The following CMIP variants were observed in gnomAD, a reference collection of about 807,000 sequenced individuals.
CMIP encodes C-Maf-inducing protein.
Under a neutral mutation model 97.3 loss-of-function variants are expected in CMIP, and 13 were observed. The ratio of observed to expected loss-of-function variants is 0.13; its 90% CI spans 0.09 to 0.21. CMIP has a LOEUF of 0.21. Among genes scored for constraint, CMIP ranks in the 10% least tolerant of loss-of-function variants. The pLI is 1.00. For missense variants in CMIP, 847 were observed against 1,024.9 expected, an observed-to-expected ratio of 0.83 and a Z score of 2.37; for synonymous variants, 538 against 436.3, an observed-to-expected ratio of 1.23 and a Z score of -2.91.
chr16:81,588,266 A>G (rs1389936075), intron 1 of CMIP, among the ~76,000 whole-genome samples: 1 of 152,194 alleles, frequency 6.6e-6, no homozygotes, highest in Non-Finnish European at 1.5e-5. Flanking sequence ...TTTGGCCAGA[A>G]AAAGTACCCA....
At chr16:81,709,103 A>T (rs949031752) in intron 20 of CMIP, among the ~76,000 whole-genome samples, 2 of 152,140 alleles carry the variant, frequency 1.3e-5, no homozygotes, top group Non-Finnish European at 2.9e-5. Context: ...AGCAGAAAAC[A>T]ATGGAGAGAC....
At chr16:81,581,698 C>T (rs969386588) in intron 1 of CMIP, among the ~76,000 whole-genome samples, 40 of 152,272 alleles carry the variant, frequency 2.6e-4, no homozygotes, top group African/African-American at 9.6e-4. Context: ...TTATTCCTCA[C>T]CATAACACCC....
chr16:81,599,056 T>G (rs903744665), intron 1 of CMIP, among the ~76,000 whole-genome samples: 1 of 150,316 alleles, frequency 6.7e-6, no homozygotes, highest in Admixed American at 6.6e-5. Context: ...CAAAAAGAAC[T>G]GGTCAGTCGG....
chr16:81,452,723 G>C (rs957499467), intron 1 of CMIP, among the ~76,000 whole-genome samples: 2 of 152,086 alleles, frequency 1.3e-5, no homozygotes, highest in Non-Finnish European at 2.9e-5. Flanking sequence ...ATGATTGTCA[G>C]TTTCCTTCCT....
chr16:81,693,283 G>A (rs757279470), intron 12 of CMIP, 99 bp downstream of exon 12: 38 of 1,380,150 alleles, frequency 2.8e-5, no homozygotes, highest in Non-Finnish European at 3.8e-5. Flanking sequence ...GGCAGTGGTG[G>A]CTCCTCTTGG....
At chr16:81,572,873 C>T (rs528151522) in intron 1 of CMIP, among the ~76,000 whole-genome samples, 5 of 152,292 alleles carry the variant, frequency 3.3e-5, no homozygotes, top group African/African-American at 1.2e-4. Flanking sequence ...AGCATCAGTC[C>T]TGCCTCCCAG....
intron 1 of CMIP, among the ~76,000 whole-genome samples, chr16:81,560,736 C>G (rs540123317): frequency 1.3e-5 from 2 of 152,162 alleles, no homozygotes; most frequent in African/African-American, 4.8e-5. Flanking sequence ...TGTACCTTTT[C>G]TGTGTTTAAA....
At chr16:81,645,545 C>T (rs1457899039) in intron 3 of CMIP, 3 of 1,535,928 alleles carry the variant, frequency 2.0e-6, no homozygotes, top group African/African-American at 2.7e-5. Flanking sequence ...AGAACCCTGG[C>T]ATATGTGCTT....
chr16:81,586,682 C>T (rs779242899), intron 1 of CMIP, among the ~76,000 whole-genome samples: 2 of 152,198 alleles, frequency 1.3e-5, no homozygotes, highest in African/African-American at 2.4e-5. Flanking sequence ...ACTCAAACAT[C>T]GCATACTCTC....
chr16:81,648,717 A>C (rs925302877), intron 3 of CMIP, among the ~76,000 whole-genome samples: 1 of 137,354 alleles, frequency 7.3e-6, no homozygotes, highest in South Asian at 2.4e-4. Flanking sequence ...TGGGAGGTGG[A>C]GATTATAGTG....
At chr16:81,668,212 C>A (rs543228032) in intron 7 of CMIP, among the ~76,000 whole-genome samples, 88 of 152,268 alleles carry the variant, frequency 5.8e-4, no homozygotes, top group African/African-American at 2.1e-3. Context: ...ACTCCAGGCT[C>A]CCCTCCGTGG....
At chr16:81,630,015 AAAT>A (rs1476657078) in intron 3 of CMIP, among the ~76,000 whole-genome samples, 3 of 152,194 alleles carry the variant, frequency 2.0e-5, no homozygotes, top group African/African-American at 7.2e-5. Flanking sequence ...TTTGCTCCCA[AAAT>A]AATACTTTCT....
chr16:81,637,934 C>T (rs1321984144), intron 3 of CMIP, among the ~76,000 whole-genome samples: 1 of 152,112 alleles, frequency 6.6e-6, no homozygotes, highest in African/African-American at 2.4e-5. Flanking sequence ...GGTGAGGGAG[C>T]TCCCCCAAGC....
intron 3 of CMIP, among the ~76,000 whole-genome samples, chr16:81,649,148 A>G (rs549869441): frequency 6.6e-6 from 1 of 152,326 alleles, no homozygotes; most frequent in South Asian, 2.1e-4. Flanking sequence ...AGCTCATAAG[A>G]GCTAGCACTG....
intron 3 of CMIP, among the ~76,000 whole-genome samples, chr16:81,640,328 A>G (rs982667227): frequency 6.5e-4 from 95 of 146,238 alleles, no homozygotes; most frequent in Non-Finnish European, 2.6e-4. Context: ...AACCCAACCA[A>G]TTCCAAACCC....
intron 1 of CMIP, among the ~76,000 whole-genome samples, chr16:81,559,230 C>T (rs888486709): frequency 4.6e-5 from 7 of 152,182 alleles, no homozygotes; most frequent in Non-Finnish European, 7.3e-5. Context: ...TATCAGACCC[C>T]GAACATGGCC....
intron 1 of CMIP, among the ~76,000 whole-genome samples, chr16:81,595,853 G>A (rs866939411): frequency 1.3e-5 from 2 of 152,088 alleles, no homozygotes; most frequent in African/African-American, 2.4e-5. Flanking sequence ...ATACTTGTGT[G>A]CATGTTTTTG....
intron 1 of CMIP, among the ~76,000 whole-genome samples, chr16:81,532,182 CA>C (rs1468318544): frequency 6.6e-6 from 1 of 152,190 alleles, no homozygotes; most frequent in Non-Finnish European, 1.5e-5. Context: ...ACTGCAGTCC[CA>C]GGGCTCAGGA....
At chr16:81,598,934 A>T (rs910095978) in intron 1 of CMIP, among the ~76,000 whole-genome samples, 1 of 139,046 alleles carries the variant, frequency 7.2e-6, no homozygotes, top group Non-Finnish European at 1.5e-5. Flanking sequence ...ATGCCAGTGT[A>T]CTCCAGCCTG....
Sources: allele counts gnomAD v4.1 joint callset (sites outside exome capture counted in the v4.1 genomes callset), GRCh38; gene constraint gnomAD v4.1.1; transcripts MANE v1.5; gene names NCBI Gene and HGNC (gene_info 2026-07-23, HGNC 2026-07-21).